Variants in GAPDHS observed in about 807,000 individuals in gnomAD.
GAPDHS encodes the protein glyceraldehyde-3-phosphate dehydrogenase, spermatogenic, also known as glyceraldehyde-3-phosphate dehydrogenase, testis-specific.
A neutral mutation model predicts 48.7 loss-of-function variants in GAPDHS; 42 were observed. The observed-to-expected ratio is 0.86, with a 90% confidence interval of 0.67 to 1.12. GAPDHS has a LOEUF of 1.12. Ranked by LOEUF, GAPDHS falls within the 50% of genes most tolerant of loss-of-function variation. The pLI, the probability that GAPDHS is intolerant of heterozygous loss-of-function variation, is 0.00. For synonymous variants in GAPDHS, 166 were observed against 219.1 expected (o/e 0.76, Z 2.14); for missense variants, 512 against 557.7 (o/e 0.92, Z 0.82).
At position 35,545,126 on chromosome 19, in the gene GAPDHS, C is replaced by G. The variant is rs1296890300; in HGVS notation, c.1183C>G (p.Arg395Gly). 1 of 1,613,952 alleles carries G rather than the reference C, an allele frequency of 6.2e-7. No individual in the cohort carries two copies. The highest frequency in any genetic ancestry group is 8.5e-7 in the Non-Finnish European group (1 of 1,179,942). ...WYDNEYGYSHRVVDLLRYMFS... is the reference protein window; with the variant it reads ...WYDNEYGYSHGVVDLLRYMFS... ...CGACAACGAATATGGCTACAGTCAC[C>G]GGGTGGTCGACCTCCTCCGCTACAT... The change falls in exon 11 of 11, where the codon CGG (arginine) becomes GGG (glycine). Residue 395 changes from arginine to glycine, a missense_variant. Coordinates refer to ENST00000222286, the MANE Select transcript of GAPDHS (RefSeq NM_014364.5).
Position 35,545,318 on chromosome 19 carries a change from C to G in GAPDHS, c.*148C>G, listed in dbSNP as rs189484278. Reference sequence around the variant, plus strand: ...ATGGTGAAATAAAAAACAGTGCTCACGGCTGCGTCCCGTATCTCTGCGCCG... The same window carrying G: ...ATGGTGAAATAAAAAACAGTGCTCAGGGCTGCGTCCCGTATCTCTGCGCCG... On this transcript the variant is annotated 3_prime_UTR_variant, in exon 11 of 11. Coordinates refer to ENST00000222286, the MANE Select transcript of GAPDHS (RefSeq NM_014364.5). 2.5e-3 allele frequency: 1,830 copies of G among 728,758 alleles called. 57 individuals are homozygous for G. In the Admixed American group the frequency reaches 0.035, roughly 14 times the overall value. The allele number at this position is 728,758 out of a possible 1,614,324, so 45.1% of individuals were successfully genotyped here.
chr19:35,539,964 C>T (rs918790177), intron 4 of GAPDHS, among the ~76,000 whole-genome samples: 1 of 152,170 alleles, frequency 6.6e-6, no homozygotes, highest in Non-Finnish European at 1.5e-5. Flanking sequence ...AATGCAGTTC[C>T]CCGCCCCTCC....
In GAPDHS at chr19:35,543,390, A is replaced by G; in HGVS notation, c.792A>G (p.Ser264=). 1.9e-6 allele frequency: 3 copies of G among 1,612,348 alleles called. No homozygotes were observed. The highest frequency in any genetic ancestry group is 2.5e-6 in the Non-Finnish European group (3 of 1,179,410). The change falls in exon 8 of 11, where the codon TCA becomes TCG. Residue 264 remains serine (S), a synonymous_variant. Transcript: ENST00000222286. ...CCCAGAAGACAGTGGACGGGCCATC[A>G]AGGAAGGCCTGGCGAGATGGGCGGG... The part of the protein sequence containing the change: ...TATQKTVDGP[S]RKAWRDGRGA...
chr19:35,544,666 G>A, intron 9 of GAPDHS: 2 of 559,288 alleles, frequency 3.6e-6, no homozygotes, highest in East Asian at 3.0e-5. Context: ...TCCTAGGAAA[G>A]GGATGTACTG....
intron 4 of GAPDHS, chr19:35,540,769 A>G (rs1045952473): frequency 2.0e-5 from 3 of 152,136 alleles, no homozygotes; most frequent in African/African-American, 7.2e-5. Context: ...AGTTTAATGC[A>G]GGTAAGGCAC....
intron 4 of GAPDHS, chr19:35,541,948 C>T (rs771893088): frequency 1.4e-4 from 34 of 236,028 alleles, no homozygotes; most frequent in Admixed American, 2.6e-4. Flanking sequence ...AGAAAGCAGC[C>T]GGGCAGGCCT....
At chr19:35,536,722 G>A in intron 1 of GAPDHS, 91 bp from the exon 2 acceptor site, 1 of 1,103,790 alleles carries the variant, frequency 9.1e-7, no homozygotes, top group South Asian at 1.6e-5. Context: ...CGAGGGGCCA[G>A]GAGCCAGCAA....
chr19:35,541,751 C>G (rs2146296298), intron 4 of GAPDHS: 1 of 151,998 alleles, frequency 6.6e-6, no homozygotes, highest in African/African-American at 2.4e-5. Context: ...CCTCCCTTAC[C>G]TTTCCAATGT....
chr19:35,543,162 T>G, intron 7 of GAPDHS, 136 bp downstream of exon 7: 1 of 973,094 alleles, frequency 1.0e-6, no homozygotes, highest in Non-Finnish European at 1.6e-6. Flanking sequence ...AGAAGTCACT[T>G]AAAACACTGT....
At chr19:35,539,655 A>C (rs2071488518) in intron 4 of GAPDHS, among the ~76,000 whole-genome samples, 1 of 151,956 alleles carries the variant, frequency 6.6e-6, no homozygotes, top group Non-Finnish European at 1.5e-5. Context: ...CCACAGATCT[A>C]ATCTCAGCCC....
chr19:35,539,606 G>C (rs1450739113), intron 4 of GAPDHS, among the ~76,000 whole-genome samples: 2 of 151,890 alleles, frequency 1.3e-5, no homozygotes, highest in South Asian at 2.1e-4. Flanking sequence ...AACCCTGTCT[G>C]GGCCCAGGCA....
At position 35,543,789 on chromosome 19, in the gene GAPDHS, G is replaced by A. The variant is rs1390345323; in HGVS notation, c.1018G>A (p.Gly340Arg). ...GGAGGCTGTAAAAGCAGCAGCCAAG[G>A]GGCCCATGGCTGGCATCCTTGCCTA... ...IKEAVKAAAK[G>R]PMAGILAYTE... The change falls in exon 9 of 11, where the codon GGG becomes AGG. Residue 340 changes from glycine (G) to arginine (R), a missense_variant. Physicochemically the swap from Gly to Arg is moderately radical, Grantham distance 125. Coordinates refer to ENST00000222286, the MANE Select transcript of GAPDHS (RefSeq NM_014364.5). The A allele has an allele frequency of 6.2e-7, 1 of 1,613,626 alleles. No individual in the cohort carries two copies.
At chr19:35,539,158 G>A (rs2071484989) in intron 4 of GAPDHS, among the ~76,000 whole-genome samples, 1 of 152,166 alleles carries the variant, frequency 6.6e-6, no homozygotes, top group Non-Finnish European at 1.5e-5. Context: ...TGGCCTCCCA[G>A]AGTGCTGGGA....
intron 9 of GAPDHS, chr19:35,544,460 G>A (rs76702013): frequency 6.5e-4 from 114 of 175,854 alleles, no homozygotes; most frequent in African/African-American, 2.6e-3. Flanking sequence ...CCGTTTTCAG[G>A]ATTGAAAACA....
Position 35,542,488 on chromosome 19 carries a change from A to G in GAPDHS, c.541-2A>G. ...CCCCTGACACCTGCGCTTCCTCCCC[A>G]GGACCACATCTCTGCAGGTGCTCAA... On this transcript the variant is annotated splice_acceptor_variant, in intron 5 of 10. Coordinates refer to ENST00000222286, the MANE Select transcript of GAPDHS (RefSeq NM_014364.5). LOFTEE classifies it high-confidence loss of function. The G allele has an allele frequency of 6.2e-7, 1 of 1,612,800 alleles. No homozygotes were observed. The highest frequency in any genetic ancestry group is 8.5e-7 in the Non-Finnish European group (1 of 1,178,812).
In GAPDHS at chr19:35,544,968, C is replaced by A; in HGVS notation, c.1116C>A (p.Gly372=). Residue 372 remains glycine (G), a synonymous_variant, in exon 10 of 11, where the codon GGC becomes GGA. Coordinates refer to ENST00000222286, the MANE Select transcript of GAPDHS (RefSeq NM_014364.5). ...THSSIFDAKA[G]IALNDNFVKL... ...CGTCCATCTTCGATGCTAAGGCCGG[C>A]ATTGCGCTCAATGACAATTTCGTGA... is the stretch of plus-strand genomic sequence containing the variant. 2.5e-6 allele frequency: 4 copies of A among 1,613,868 alleles called. No homozygotes were observed. The highest frequency in any genetic ancestry group is 3.4e-6 in the Non-Finnish European group (4 of 1,179,712).
chr19:35,543,452 CT>C lies in GAPDHS; in HGVS notation c.855del (p.Ala286ArgfsTer4), dbSNP rs761417502. ...HQNIIPASTG[A>X]AKAVTKVIPE... ...AACATCATCCCAGCCTCCACTGGGG[CT>C]GCGAAAGCTGTGACCAAAGTCATCC... On this transcript the variant is annotated frameshift_variant, in exon 8 of 11. Transcript: ENST00000222286. LOFTEE classifies it high-confidence loss of function. 6.8e-6 allele frequency: 11 copies of C among 1,606,462 alleles called. No individual in the cohort carries two copies. The African/African-American group carries it at 1.5e-4, about 22-fold the overall frequency.
intron 1 of GAPDHS, among the ~76,000 whole-genome samples, chr19:35,536,106 CGG>C (rs2071464538): frequency 6.6e-6 from 1 of 152,054 alleles, no homozygotes; most frequent in Non-Finnish European, 1.5e-5. Flanking sequence ...TGGACAAATT[CGG>C]GGAACAATCT....
intron 3 of GAPDHS, 31 bp downstream of exon 3, chr19:35,538,434 G>T: frequency 7.4e-7 from 1 of 1,344,398 alleles, no homozygotes; most frequent in South Asian, 1.2e-5. Context: ...AGGAACAGCA[G>T]GGTGGGACTG....
Sources: gnomAD v4.1 joint callset for allele counts (sites outside exome capture counted in the v4.1 genomes callset) on GRCh38, gnomAD v4.1.1 for gene constraint, MANE v1.5 for transcripts, NCBI Gene and HGNC (gene_info 2026-07-23, HGNC 2026-07-21) for gene names.